Variants in CXCL13 observed in about 807,000 individuals in gnomAD.
CXCL13 encodes C-X-C motif chemokine 13.
A neutral mutation model predicts 12.2 loss-of-function variants in CXCL13; 7 were observed. That is an observed-to-expected ratio of 0.57 (90% confidence interval 0.33 to 1.07). CXCL13 has a LOEUF of 1.07. CXCL13 is among the 50% of genes least tolerant of loss of function. CXCL13 has a pLI of 0.04. For synonymous variants in CXCL13, 47 were observed against 42.4 expected (o/e 1.11, Z -0.42); for missense variants, 113 against 127.4 (o/e 0.89, Z 0.55).
chr4:77,584,350 G>A (rs140065233), intron 1 of CXCL13, among the ~76,000 whole-genome samples: 5 of 152,242 alleles, frequency 3.3e-5, no homozygotes, highest in African/African-American at 1.2e-4. Context: ...AGCATGCCTT[G>A]TCTTCATTAG....
intron 1 of CXCL13, among the ~76,000 whole-genome samples, chr4:77,592,240 G>C (rs1726630912): frequency 6.6e-6 from 1 of 152,200 alleles, no homozygotes; most frequent in Non-Finnish European, 1.5e-5. Context: ...ATACACAATA[G>C]AGTACTATTC....
chr4:77,610,578 G>T, intron 2 of CXCL13, 36 bp from the exon 3 acceptor site: 1 of 1,459,570 alleles, frequency 6.9e-7, no homozygotes, highest in Non-Finnish European at 9.6e-7. Context: ...TGACTAAAAT[G>T]TAAGACTGAA....
At chr4:77,539,651 C>G (rs899699162) in intron 1 of CXCL13, among the ~76,000 whole-genome samples, 1 of 152,186 alleles carries the variant, frequency 6.6e-6, no homozygotes, top group African/African-American at 2.4e-5. Context: ...CAGTTAAACT[C>G]CACCATTTTA....
intron 1 of CXCL13, among the ~76,000 whole-genome samples, chr4:77,549,230 C>G (rs1725449346): frequency 6.6e-6 from 1 of 152,170 alleles, no homozygotes; most frequent in South Asian, 2.1e-4. Context: ...CCTAGTTAGC[C>G]ATTCTTCTAA....
At chr4:77,583,417 G>A (rs1726383690) in intron 1 of CXCL13, among the ~76,000 whole-genome samples, 1 of 152,162 alleles carries the variant, frequency 6.6e-6, no homozygotes, top group South Asian at 2.1e-4. Flanking sequence ...CCAGACTCAA[G>A]CATGACCACT....
intron 1 of CXCL13, among the ~76,000 whole-genome samples, chr4:77,568,266 T>C (rs900614519): frequency 6.6e-6 from 1 of 152,208 alleles, no homozygotes; most frequent in Non-Finnish European, 1.5e-5. Flanking sequence ...CTGTATTCTT[T>C]ATTTTGGACA....
intron 1 of CXCL13, among the ~76,000 whole-genome samples, chr4:77,543,444 TTAGA>T (rs1725255921): frequency 6.6e-6 from 1 of 152,224 alleles, no homozygotes; most frequent in East Asian, 1.9e-4. Flanking sequence ...TAGTGTGCTG[TTAGA>T]TAGGTAATTT....
intron 1 of CXCL13, among the ~76,000 whole-genome samples, chr4:77,513,133 A>G (rs1325076905): frequency 6.6e-6 from 1 of 152,056 alleles, no homozygotes; most frequent in Non-Finnish European, 1.5e-5. Context: ...GCTATTCCAT[A>G]TACACCATGG....
chr4:77,535,730 C>G (rs1371571009), intron 1 of CXCL13, among the ~76,000 whole-genome samples: 1 of 152,096 alleles, frequency 6.6e-6, no homozygotes, highest in Non-Finnish European at 1.5e-5. Context: ...ATGTTTTGAC[C>G]AACCACTCAG....
chr4:77,525,826 G>A (rs916737885), intron 1 of CXCL13, among the ~76,000 whole-genome samples: 2 of 151,978 alleles, frequency 1.3e-5, no homozygotes, highest in South Asian at 2.1e-4. Context: ...GGCCATGATG[G>A]TGTGAATTCC....
chr4:77,586,021 A>G (rs1023593856), intron 1 of CXCL13, among the ~76,000 whole-genome samples: 3 of 152,216 alleles, frequency 2.0e-5, no homozygotes, highest in African/African-American at 7.2e-5. Context: ...CATTTAATAA[A>G]TTAACACTTG....
chr4:77,517,001 C>G (rs911241183), intron 1 of CXCL13, among the ~76,000 whole-genome samples: 9 of 151,852 alleles, frequency 5.9e-5, no homozygotes, highest in East Asian at 5.8e-4. Context: ...ATTCTGGTAT[C>G]TTGTGTCTTT....
chr4:77,611,803 A>C lies in CXCL13; in HGVS notation c.*764A>C. 2.5e-6 allele frequency: 1 copy of C among 397,824 alleles called. No individual in the cohort carries two copies. The highest frequency in any genetic ancestry group is 4.4e-6 in the Non-Finnish European group (1 of 225,946). The allele number at this position is 397,824 out of a possible 1,614,324, so 24.6% of individuals were successfully genotyped here. A position where few individuals can be genotyped will look rare whatever the true frequency, so the allele number is the denominator to read the frequency against. ...TAATGATTCCTATAAATCTAATGAC[A>C]TTCAATAAAGTTGAGCAAACATTTT... On this transcript the variant is annotated 3_prime_UTR_variant, in exon 4 of 4. Coordinates refer to ENST00000682537, the MANE Select transcript of CXCL13 (RefSeq NM_001371558.1).
chr4:77,571,023 G>T (rs545957651), intron 1 of CXCL13, among the ~76,000 whole-genome samples: 2 of 152,014 alleles, frequency 1.3e-5, no homozygotes, highest in East Asian at 3.9e-4. Context: ...CAGTCCCATC[G>T]GCCACCCAAG....
At chr4:77,533,976 A>G (rs983563800) in intron 1 of CXCL13, among the ~76,000 whole-genome samples, 1 of 152,156 alleles carries the variant, frequency 6.6e-6, no homozygotes, top group Admixed American at 6.5e-5. Context: ...GACCCCTTGC[A>G]CTTCCCAGGT....
upstream of CXCL13, among the ~76,000 whole-genome samples, chr4:77,601,373 C>T (rs1726878411): frequency 6.6e-6 from 1 of 151,886 alleles, no homozygotes; most frequent in South Asian, 2.1e-4. Context: ...ATAAATTATT[C>T]CTCAATAAAG....
chr4:77,521,645 G>A (rs1177393024), intron 1 of CXCL13, among the ~76,000 whole-genome samples: 1 of 150,982 alleles, frequency 6.6e-6, no homozygotes, highest in Non-Finnish European at 1.5e-5. Flanking sequence ...TCTCAATTTT[G>A]TTGATCTTTT....
At chr4:77,520,453 A>G (rs1394186525) in intron 1 of CXCL13, among the ~76,000 whole-genome samples, 1 of 152,102 alleles carries the variant, frequency 6.6e-6, no homozygotes, top group African/African-American at 2.4e-5. Context: ...TTGGATTCCT[A>G]GGTACTGTAT....
chr4:77,553,304 A>G (rs936434195), intron 1 of CXCL13, among the ~76,000 whole-genome samples: 3 of 152,336 alleles, frequency 2.0e-5, no homozygotes, highest in South Asian at 2.1e-4. Flanking sequence ...ACTCCAGAGC[A>G]TGTGCTCCAA....
Sources: gnomAD v4.1 joint callset for allele counts (sites outside exome capture counted in the v4.1 genomes callset) on GRCh38, gnomAD v4.1.1 for gene constraint, MANE v1.5 for transcripts, NCBI Gene and HGNC (gene_info 2026-07-23, HGNC 2026-07-21) for gene names.